Variants in BCOR observed in about 807,000 individuals in gnomAD.
The protein encoded by BCOR is BCL-6 corepressor.
A neutral mutation model predicts 86.7 loss-of-function variants in BCOR; 10 were observed. The observed-to-expected ratio is 0.12, with a 90% CI of 0.07 to 0.20. The LOEUF is 0.20. Among genes scored for constraint, BCOR ranks in the 10% least tolerant of loss-of-function variants. The pLI is 1.00. For synonymous variants in BCOR, 611 were observed against 609.0 expected (o/e 1.00, Z -0.05); for missense variants, 1,259 against 1,452.1 (o/e 0.87, Z 2.16).
At chrX:40,151,103 G>A in intron 1 of BCOR, among the ~76,000 whole-genome samples, 1 of 111,834 alleles carries the variant, frequency 8.9e-6, no homozygotes, top group South Asian at 3.7e-4. Flanking sequence ...CAGCATGGGG[G>A]AGTTGTACCT....
chrX:40,071,905 C>G (rs1569154388), intron 4 of BCOR: 1 of 344,853 alleles, frequency 2.9e-6, no homozygotes, highest in African/African-American at 2.7e-5. Flanking sequence ...AACCTTTTTT[C>G]TTTTTTTTTT....
At position 40,073,541 on chromosome X, in the gene BCOR, G is replaced by A. The variant is rs766045784; in HGVS notation, c.1805C>T (p.Pro602Leu). Residue 602 changes from proline to leucine, a missense_variant, in exon 4 of 15, where the codon CCG becomes CTG. Pro to Leu is a moderately conservative substitution (Grantham distance 98). Transcript: ENST00000378444. ...PSVIQHVGQP[P>L]ATPAKHSSST... ...GCTACTGTGCTTGGCAGGAGTGGCC[G>A]GGGGCTGGCCCACGTGCTGAATAAC... 1.3e-5 allele frequency: 16 copies of A among 1,210,995 alleles called. No homozygotes were observed. In the East Asian group the frequency reaches 2.7e-4, roughly 20 times the overall value.
chrX:40,144,146 G>C (rs1231283654), intron 1 of BCOR, among the ~76,000 whole-genome samples: 1 of 111,244 alleles, frequency 9.0e-6, no homozygotes, highest in Middle Eastern at 4.2e-3. Context: ...TCAGGAGGCT[G>C]ATAAATCCAG....
At chrX:40,176,577 G>A (rs1007034065) in intron 1 of BCOR, among the ~76,000 whole-genome samples, 1 of 112,590 alleles carries the variant, frequency 8.9e-6, no homozygotes, top group African/African-American at 3.2e-5. Flanking sequence ...GCCCGCTTCC[G>A]TGTCCCTGCC....
In BCOR at chrX:40,066,928, C is replaced by G. The variant is rs757531467; in HGVS notation, c.3239-2329G>C. ...GGCACCCTTCCCAGAGACACCCCCC[C>G]CCCCCCATCAAATCCCCATCAGATT... On this transcript the variant is annotated intron_variant, in intron 6 of 14. Transcript: ENST00000378444. 9.0e-4 allele frequency among the ~76,000 whole-genome samples: 87 copies of G among 96,985 alleles called. 3 individuals carry two copies. Among genetic ancestry groups the G allele is most frequent in the African/African-American group, 3.2e-3 (84 of 26,226 alleles). The allele number at this position is 96,985 out of a possible 115,157, so 84.2% of individuals were successfully genotyped here. A position where few individuals can be genotyped will look rare whatever the true frequency, so the allele number is the denominator to read the frequency against.
chrX:40,056,442 C>T (rs934987372), intron 11 of BCOR, among the ~76,000 whole-genome samples: 2 of 110,744 alleles, frequency 1.8e-5, no homozygotes, highest in Non-Finnish European at 3.8e-5. Context: ...AGAAACAGGC[C>T]TGGTGGGGTG....
At chrX:40,147,647 G>A (rs1938089215) in intron 1 of BCOR, among the ~76,000 whole-genome samples, 1 of 113,396 alleles carries the variant, frequency 8.8e-6, no homozygotes, top group South Asian at 3.6e-4. Flanking sequence ...GGAGACTGGC[G>A]AGGACAGGCG....
intron 1 of BCOR, among the ~76,000 whole-genome samples, chrX:40,169,122 C>T (rs1938566893): frequency 8.9e-6 from 1 of 112,660 alleles, no homozygotes; most frequent in Non-Finnish European, 1.9e-5. Flanking sequence ...TCCGCGAAAT[C>T]GGGGTGAAAA....
intron 1 of BCOR, among the ~76,000 whole-genome samples, chrX:40,145,625 T>C (rs978369718): frequency 2.0e-4 from 22 of 111,736 alleles, no homozygotes; most frequent in African/African-American, 6.8e-4. Context: ...GCCACAAAGC[T>C]ACTTTCAGAT....
At chrX:40,084,909 G>A (rs959781576) in intron 1 of BCOR, among the ~76,000 whole-genome samples, 1 of 112,398 alleles carries the variant, frequency 8.9e-6, no homozygotes, top group African/African-American at 3.2e-5. Flanking sequence ...ATGAGGGTCA[G>A]AGAAGGAGAG....
chrX:40,104,211 G>A lies in BCOR; in HGVS notation c.-40-26242C>T, dbSNP rs1313143844. 2.7e-5 allele frequency among the ~76,000 whole-genome samples: 3 copies of A among 111,828 alleles called. No individual in the cohort carries two copies. In the East Asian group the frequency reaches 8.4e-4, roughly 31 times the overall value. Reference sequence around the variant, plus strand: ...TGGTCGATGTTTGTGTTTCGCCATCGCACTCAGTGCCTTCAAACTAAACAG... The same window carrying A: ...TGGTCGATGTTTGTGTTTCGCCATCACACTCAGTGCCTTCAAACTAAACAG... On this transcript the variant is annotated intron_variant, in intron 1 of 14. Transcript: ENST00000342274.
intron 1 of BCOR, among the ~76,000 whole-genome samples, chrX:40,127,070 C>T (rs1216410732): frequency 9.0e-6 from 1 of 111,612 alleles, no homozygotes; most frequent in African/African-American, 3.3e-5. Context: ...TATGGCAGCC[C>T]CAGCAGACTA....
chrX:40,084,865 T>C (rs753688578), intron 1 of BCOR, among the ~76,000 whole-genome samples: 3 of 112,305 alleles, frequency 2.7e-5, no homozygotes, highest in Non-Finnish European at 5.6e-5. Flanking sequence ...CTCTCACTGA[T>C]TGTGCAGAGC....
rs764341569 is a variant in BCOR, at chrX:40,053,775, G to C, written c.4976+111C>G. ...CTGCATTGTGTGAGGTTCGTGGACAGTTAAGGAGGTCACTCACCCACCCAC... is the reference window on the plus strand; with the variant it reads ...CTGCATTGTGTGAGGTTCGTGGACACTTAAGGAGGTCACTCACCCACCCAC... On this transcript the variant is annotated intron_variant, in intron 14 of 14. Transcript: ENST00000378444. 87 of 869,909 alleles carry C rather than the reference G, an allele frequency of 1.0e-4. 1 individual carries two copies. Among genetic ancestry groups the C allele is most frequent in the Non-Finnish European group, 1.4e-4 (87 of 600,527 alleles). The allele number at this position is 869,909 out of a possible 1,213,427, so 71.7% of individuals were successfully genotyped here.
At chrX:40,175,442 G>A (rs1409324895) in intron 1 of BCOR, among the ~76,000 whole-genome samples, 1 of 113,318 alleles carries the variant, frequency 8.8e-6, no homozygotes, top group Admixed American at 9.2e-5. Flanking sequence ...GCGGCGAGAG[G>A]GGGAGAAAAA....
intron 1 of BCOR, among the ~76,000 whole-genome samples, chrX:40,110,141 T>C (rs182392204): frequency 8.9e-6 from 1 of 112,740 alleles, no homozygotes; most frequent in Non-Finnish European, 1.9e-5. Context: ...TGTAAATACT[T>C]AGTACTCTCA....
At chrX:40,098,027 TCCGCCCGTCCTCCCTC>T (rs1936980326), upstream of BCOR, among the ~76,000 whole-genome samples, 1 of 12,557 alleles carries the variant, frequency 8.0e-5, no homozygotes, top group Admixed American at 7.5e-4. Flanking sequence ...TCCCCCTCCC[TCCGCCCGTCCTCCCTC>T]CCGCCCGCCC....
chrX:40,111,463 A>G (rs991229249), intron 1 of BCOR, among the ~76,000 whole-genome samples: 9 of 112,531 alleles, frequency 8.0e-5, no homozygotes, highest in Non-Finnish European at 1.3e-4. Context: ...AGACACTGGA[A>G]TAAGTGCAGC....
chrX:40,129,240 C>T (rs181544691), intron 1 of BCOR, among the ~76,000 whole-genome samples: 71 of 111,327 alleles, frequency 6.4e-4, no homozygotes, highest in African/African-American at 2.2e-3. Flanking sequence ...AATCCTAGCA[C>T]TTTGGGAGGC....
Sources: gnomAD v4.1 joint callset for allele counts (sites outside exome capture counted in the v4.1 genomes callset) on GRCh38, gnomAD v4.1.1 for gene constraint, MANE v1.5 for transcripts, NCBI Gene and HGNC (gene_info 2026-07-23, HGNC 2026-07-21) for gene names.